MAGEC3: variants seen among roughly 807,000 people sequenced by gnomAD.
MAGEC3 encodes the protein MAGE family member C3.
Under a neutral mutation model 35.3 loss-of-function variants are expected in MAGEC3, and 34 were observed. The ratio of observed to expected loss-of-function variants is 0.96; its 90% CI spans 0.73 to 1.28. MAGEC3 has a LOEUF of 1.28. Among genes scored for constraint, MAGEC3 ranks in the 50% most tolerant of loss-of-function variants. MAGEC3 has a pLI of 0.00. For missense variants in MAGEC3, 561 were observed against 483.6 expected, an observed-to-expected ratio of 1.16 and a Z score of -1.50; for synonymous variants, 202 against 185.6, an observed-to-expected ratio of 1.09 and a Z score of -0.72.
At position 141,839,998 on chromosome X, in the gene MAGEC3, A is replaced by T. The variant is rs188192958; in HGVS notation, c.123+1560A>T. The T allele has an allele frequency of 1.1e-3, 823 of 750,072 alleles. 1 individual carries two copies. Among genetic ancestry groups the T allele is most frequent in the Admixed American group, 1.2e-3 (14 of 11,364 alleles). The allele number at this position is 750,072 out of a possible 1,213,427, so 61.8% of individuals were successfully genotyped here. On this transcript the variant is annotated intron_variant, in intron 1 of 7. Transcript: ENST00000298296. ...CTGAGTTTAACATAATTTGCTCAGAACTCTAAAAATGATTCACTTTCCAAA... is the reference window on the plus strand; with the variant it reads ...CTGAGTTTAACATAATTTGCTCAGATCTCTAAAAATGATTCACTTTCCAAA...
chrX:141,884,086 G>A (rs904737787), intron 4 of MAGEC3, among the ~76,000 whole-genome samples: 5 of 112,981 alleles, frequency 4.4e-5, no homozygotes, highest in Non-Finnish European at 9.4e-5. Context: ...TTGTGTGATG[G>A]TTAATACTGA....
Position 141,897,114 on chromosome X carries a change from C to G in MAGEC3, c.1356C>G (p.Pro452=), listed in dbSNP as rs1406347233. The G allele has an allele frequency of 3.3e-6, 4 of 1,209,901 alleles. No homozygotes were observed. In the African/African-American group the frequency reaches 7.0e-5, roughly 21 times the overall value. ...CCTTGCCAGAAAGTGAATCCTTGCC[C>G]AGGTATGCCCTGGATGAAAAGGTGG... The part of the protein sequence containing the change: ...WHALPESESL[P]RYALDEKVAE... The change falls in exon 7 of 8, where the codon CCC becomes CCG. Residue 452 remains proline (P), a synonymous_variant. Transcript: ENST00000298296.
intron 2 of MAGEC3, among the ~76,000 whole-genome samples, chrX:141,872,229 T>C (rs367995711): frequency 1.8e-5 from 2 of 111,440 alleles, no homozygotes; most frequent in African/African-American, 6.5e-5. Context: ...GCTGTCGTTA[T>C]CTAATCTGTA....
rs769006664 is a variant in MAGEC3 at position 141,864,789 on chromosome X, AAAG to A, written c.124-678_124-676del. ...CCTGAACTTAAAATAAATTTAAAAA[AAAG>A]AAGTCTGGGGGAAATAAAAGAAATT... On this transcript the variant is annotated intron_variant, in intron 1 of 7. Coordinates refer to ENST00000298296, the MANE Select transcript of MAGEC3 (RefSeq NM_138702.1). Among the ~76,000 whole-genome samples, 12 of 112,096 alleles carry A rather than the reference AAAG, an allele frequency of 1.1e-4. 1 individual carries two copies. Among genetic ancestry groups the A allele is most frequent in the African/African-American group, 3.6e-4 (11 of 30,861 alleles).
intron 1 of MAGEC3, among the ~76,000 whole-genome samples, chrX:141,864,936 A>G (rs769402474): frequency 4.3e-4 from 48 of 112,168 alleles, no homozygotes; most frequent in African/African-American, 1.5e-3. Context: ...CCTCAAAAAT[A>G]TGATGCATCT....
chrX:141,846,267 G>C (rs1168659221), intron 1 of MAGEC3, among the ~76,000 whole-genome samples: 1 of 107,558 alleles, frequency 9.3e-6, no homozygotes, highest in Non-Finnish European at 1.9e-5. Context: ...CCAACTGATA[G>C]GATAATGTAC....
intron 4 of MAGEC3, among the ~76,000 whole-genome samples, chrX:141,887,023 C>T (rs376467736): frequency 2.7e-5 from 3 of 111,798 alleles, no homozygotes; most frequent in South Asian, 7.5e-4. Flanking sequence ...AGTGGATTAT[C>T]GTAAGCTTAC....
At chrX:141,879,542 G>T in intron 3 of MAGEC3, 111 bp downstream of exon 3, 1 of 950,716 alleles carries the variant, frequency 1.1e-6, no homozygotes, top group Non-Finnish European at 1.4e-6. Context: ...GCAGGAAGGG[G>T]TGGAGGGGGC....
At position 141,881,519 on chromosome X, in the gene MAGEC3, A is replaced by T. The variant is rs767148306; in HGVS notation, c.632A>T (p.Gln211Leu). The T allele has an allele frequency of 2.5e-6, 3 of 1,211,862 alleles. No homozygotes were observed. Among genetic ancestry groups the T allele is most frequent in the East Asian group, 5.9e-5 (2 of 33,820 alleles). Residue 211 changes from glutamine (Q) to leucine (L), a missense_variant, in exon 4 of 8, where the codon CAG becomes CTG. By Grantham distance (113) the Gln-to-Leu change is moderately radical (BLOSUM62 -2). Coordinates refer to ENST00000298296, the MANE Select transcript of MAGEC3 (RefSeq NM_138702.1). ...AKEPLTRAEM[Q>L]MNVINTYTGY... ...GAGCCTCTCACAAGAGCAGAGATGC[A>T]GATGAATGTCATCAACACATACACG...
intron 4 of MAGEC3, among the ~76,000 whole-genome samples, chrX:141,888,617 G>A (rs760618024): frequency 1.8e-5 from 2 of 112,084 alleles, no homozygotes; most frequent in Admixed American, 9.4e-5. Context: ...AGTATGAGCC[G>A]TTCTGTGGAC....
At chrX:141,876,160 CA>C (rs2017918995) in intron 2 of MAGEC3, among the ~76,000 whole-genome samples, 1 of 112,101 alleles carries the variant, frequency 8.9e-6, no homozygotes, top group Non-Finnish European at 1.9e-5. Flanking sequence ...CACATTTGGG[CA>C]AACTGGCACT....
rs143352713 is a variant in MAGEC3, at chrX:141,877,789, T to C, written c.259-1386T>C. On this transcript the variant is annotated intron_variant, in intron 2 of 7. Transcript: ENST00000298296. ...AACATTTTTCATATTTGATAAACTT[T>C]ATGTTTAAATAATTTTAGATTTACA... 7.6e-3 allele frequency among the ~76,000 whole-genome samples: 855 copies of C among 112,102 alleles called. 13 individuals are homozygous for C. Among genetic ancestry groups the C allele is most frequent in the African/African-American group, 0.027 (822 of 30,882 alleles).
intron 4 of MAGEC3, among the ~76,000 whole-genome samples, chrX:141,893,173 C>T (rs762512966): frequency 8.9e-6 from 1 of 111,757 alleles, no homozygotes; most frequent in East Asian, 2.8e-4. Flanking sequence ...GAATGGCTGA[C>T]GTCCAAAACA....
chrX:141,838,544 G>T lies in MAGEC3; in HGVS notation c.123+106G>T. 6 of 1,080,076 alleles carry T rather than the reference G, an allele frequency of 5.6e-6. No individual in the cohort carries two copies. In the South Asian group the frequency reaches 1.4e-4, roughly 25 times the overall value. The allele number at this position is 1,080,076 out of a possible 1,213,427, so 89.0% of individuals were successfully genotyped here. ...TTGGCTCCAAGACAGTGTGCAGTCTGTTGGGGGTGAGGCTCTAAGATGCTA... is the reference window on the plus strand; with the variant it reads ...TTGGCTCCAAGACAGTGTGCAGTCTTTTGGGGGTGAGGCTCTAAGATGCTA... On this transcript the variant is annotated intron_variant, in intron 1 of 7. Coordinates refer to ENST00000298296, the MANE Select transcript of MAGEC3 (RefSeq NM_138702.1).
chrX:141,863,917 T>C (rs73638712), intron 1 of MAGEC3, among the ~76,000 whole-genome samples: 61 of 111,574 alleles, frequency 5.5e-4, no homozygotes, highest in African/African-American at 2.0e-3. Context: ...TATTATCTGA[T>C]TTATAGACAT....
intron 1 of MAGEC3, among the ~76,000 whole-genome samples, chrX:141,847,636 G>T (rs1404886866): frequency 9.0e-6 from 1 of 111,044 alleles, no homozygotes; most frequent in Non-Finnish European, 1.9e-5. Flanking sequence ...CAAATAAATC[G>T]TACAGATAAT....
chrX:141,875,014 C>T (rs1370370211), intron 2 of MAGEC3, among the ~76,000 whole-genome samples: 13 of 111,320 alleles, frequency 1.2e-4, no homozygotes, highest in South Asian at 3.7e-4. Flanking sequence ...TTATAGTGAA[C>T]GCTGATCTAT....
intron 2 of MAGEC3, among the ~76,000 whole-genome samples, chrX:141,869,167 A>G (rs904332203): frequency 1.8e-5 from 2 of 111,100 alleles, no homozygotes; most frequent in Non-Finnish European, 3.8e-5. Context: ...TACAGGCGTG[A>G]GCCACCGCGC....
At chrX:141,896,670 C>A (rs2018098361) in intron 6 of MAGEC3, 1 of 1,210,036 alleles carries the variant, frequency 8.3e-7, no homozygotes, top group East Asian at 3.0e-5. Flanking sequence ...TCTTTCCAAA[C>A]CTTCCACGCC....
Sources: allele counts gnomAD v4.1 joint callset (sites outside exome capture counted in the v4.1 genomes callset), GRCh38; gene constraint gnomAD v4.1.1; transcripts MANE v1.5; gene names NCBI Gene and HGNC (gene_info 2026-07-23, HGNC 2026-07-21).